The following DIAPH1 variants were observed in gnomAD, a reference collection of about 807,000 sequenced individuals.
The protein encoded by DIAPH1 is protein diaphanous homolog 1.
DIAPH1 carries 46 observed loss-of-function variants against 140.7 expected under a neutral mutation model. The observed-to-expected ratio is 0.33, with a 90% CI of 0.26 to 0.42. The LOEUF (loss-of-function observed/expected upper bound fraction) is 0.42. DIAPH1 is among the 10% of genes least tolerant of loss of function. The probability of loss-of-function intolerance (pLI) is 1.00; values close to 1 mark genes in which losing one functional copy is unlikely to be tolerated. For synonymous variants in DIAPH1, 565 were observed against 551.6 expected, an observed-to-expected ratio of 1.02 and a Z score of -0.34; for missense variants, 1,310 against 1,558.7, an observed-to-expected ratio of 0.84 and a Z score of 2.69.
At position 141,579,141 on chromosome 5, in the gene DIAPH1, G is replaced by A. The variant is rs745742167; in HGVS notation, c.880C>T (p.Arg294Cys). 5 of 1,614,150 alleles carry A rather than the reference G, an allele frequency of 3.1e-6. No individual in the cohort carries two copies. Among genetic ancestry groups the A allele is most frequent in the Non-Finnish European group, 4.2e-6 (5 of 1,180,006 alleles). The change falls in exon 9 of 28, where the codon CGT (arginine) becomes TGT (cysteine). Residue 294 changes from arginine (R) to cysteine (C), a missense_variant. By Grantham distance (180) the Arg-to-Cys change is radical. Transcript: ENST00000389054. Reference sequence around the variant, plus strand: ...AATCCATCCAGCAGCGGCTGGAAACGTTCCACTTCATCCATCTCAGCTCTT... The same window carrying A: ...AATCCATCCAGCAGCGGCTGGAAACATTCCACTTCATCCATCTCAGCTCTT... ...TERAEMDEVERFQPLLDGLKS... is the reference protein window; with the variant it reads ...TERAEMDEVECFQPLLDGLKS...
intron 18 of DIAPH1, among the ~76,000 whole-genome samples, chr5:141,569,799 A>C (rs1222678063): frequency 6.6e-6 from 1 of 152,140 alleles, no homozygotes; most frequent in African/African-American, 2.4e-5. Flanking sequence ...AAAGTAGTTA[A>C]GGATGAAGAT....
chr5:141,524,166 C>T lies in DIAPH1; in HGVS notation c.3638G>A (p.Arg1213Gln), dbSNP rs978882548. 3.0e-5 allele frequency: 49 copies of T among 1,614,136 alleles called. No individual in the cohort carries two copies. The highest frequency in any genetic ancestry group is 3.6e-5 in the Non-Finnish European group (43 of 1,180,018). Residue 1213 changes from arginine to glutamine, a missense_variant, in exon 27 of 28, where the codon CGA (arginine) becomes CAA (glutamine). This residue lies in a region of DIAPH1 where 344 missense variants were observed against 512.2 expected (regional missense o/e 0.67). Coordinates refer to ENST00000389054, the MANE Select transcript of DIAPH1 (RefSeq NM_005219.5). ...ACCTTGACGGGGCCCTCTCTTCCGT[C>T]GGAATGCTGCCCCTGACTGCAGGGC... ...LEALQSGAAFRRKRGPRQANR... is the reference protein window; with the variant it reads ...LEALQSGAAFQRKRGPRQANR...
At chr5:141,544,343 GA>G (rs1240420640) in intron 18 of DIAPH1, among the ~76,000 whole-genome samples, 1 of 148,456 alleles carries the variant, frequency 6.7e-6, no homozygotes, top group African/African-American at 2.4e-5. Flanking sequence ...AGAAAGAAAA[GA>G]ATACAAAACA....
At chr5:141,518,813 C>T in intron 27 of DIAPH1, 1 of 872,160 alleles carries the variant, frequency 1.1e-6, no homozygotes, top group Non-Finnish European at 1.9e-6. Context: ...TGAGTCACCA[C>T]AGCCTGCCAA....
At chr5:141,601,680 C>A (rs6880745) in intron 1 of DIAPH1, among the ~76,000 whole-genome samples, 102,038 of 152,104 alleles carry the variant, frequency 0.67, 35,366 homozygotes, top group African/African-American at 0.85. Flanking sequence ...TCTTATTCAA[C>A]TGATGTGGCC....
At chr5:141,575,175 C>T (rs1596380693) in intron 14 of DIAPH1, 29 bp from the exon 15 acceptor site, 1 of 1,611,740 alleles carries the variant, frequency 6.2e-7, no homozygotes, top group South Asian at 1.1e-5. Flanking sequence ...AGGCTCCCAG[C>T]AAGCTCTCCA....
At position 141,618,878 on chromosome 5, in the gene DIAPH1, C is replaced by A; in HGVS notation, c.37G>T (p.Gly13Trp). ...PPGGSLGPGR[G>W]TRDKKKGRSP... ...CGGCCCTTCTTCTTGTCCCGGGTCC[C>A]GCGGCCGGGCCCCAGGCTCCCGCCG... The change falls in exon 1 of 28, where the codon GGG becomes TGG. Residue 13 changes from glycine to tryptophan, a missense_variant. By Grantham distance (184) the Gly-to-Trp change is radical. Transcript: ENST00000389054. The A allele has an allele frequency of 6.6e-7, 1 of 1,519,910 alleles. No individual in the cohort carries two copies. The highest frequency in any genetic ancestry group is 8.8e-7 in the Non-Finnish European group (1 of 1,133,688). 94.2% of individuals were successfully genotyped at this position (1,519,910 alleles called of 1,614,324 possible). A position where few individuals can be genotyped will look rare whatever the true frequency, so the allele number is the denominator to read the frequency against.
At chr5:141,557,567 C>CT (rs1259920045) in intron 18 of DIAPH1, among the ~76,000 whole-genome samples, 1 of 151,898 alleles carries the variant, frequency 6.6e-6, no homozygotes, top group African/African-American at 2.4e-5. Flanking sequence ...TTTTTTTCTT[C>CT]TTTTTTTGGG....
rs911644192 is a variant in DIAPH1, at chr5:141,593,672, C to T, written c.118-5422G>A. 9.2e-5 allele frequency among the ~76,000 whole-genome samples: 14 copies of T among 152,244 alleles called. No individual in the cohort carries two copies. In the South Asian group the frequency reaches 2.9e-3, roughly 32 times the overall value. ...ATTTTATTTAACAAAATTTAAATGG[C>T]AAATAAACTTACGAAAGAAGCTCAA... On this transcript the variant is annotated intron_variant, in intron 1 of 27. Coordinates refer to ENST00000389054, the MANE Select transcript of DIAPH1 (RefSeq NM_005219.5).
rs1360708683 is a variant in DIAPH1, at chr5:141,515,135, C to G, written c.*1716G>C. On this transcript the variant is annotated 3_prime_UTR_variant, in exon 28 of 28. Transcript: ENST00000389054. ...GGTTTGCATTTTGTCCCTCACACCTCTCTCTCTCTCTCTTTTTTTTTATTA... is the reference window on the plus strand; with the variant it reads ...GGTTTGCATTTTGTCCCTCACACCTGTCTCTCTCTCTCTTTTTTTTTATTA... 6.6e-6 allele frequency: 1 copy of G among 151,558 alleles called. No homozygotes were observed. The highest frequency in any genetic ancestry group is 2.4e-5 in the African/African-American group (1 of 41,006). 9.4% of individuals were successfully genotyped at this position (151,558 alleles called of 1,614,324 possible).
At position 141,529,674 on chromosome 5, in the gene DIAPH1, T is replaced by G. The variant is rs1204485610; in HGVS notation, c.2605A>C (p.Met869Leu). 1.9e-6 allele frequency: 3 copies of G among 1,614,188 alleles called. No individual in the cohort carries two copies. The Admixed American group carries it at 5.0e-5, about 27-fold the overall frequency. ...ACATTCTTAATCTCTTGATAGGGCA[T>G]GCGGAAGGAACCCAAAAAGATTGCT... is the stretch of plus-strand genomic sequence containing the variant. Reference protein sequence around the residue: ...NLSIFLGSFRMPYQEIKNVIL... With the variant: ...NLSIFLGSFRLPYQEIKNVIL... The change falls in exon 20 of 28, where the codon ATG becomes CTG. Residue 869 changes from methionine to leucine, a missense_variant. Around this residue, in one of 3 missense-constraint regions of DIAPH1, gnomAD observed 344 missense variants for 512.2 expected, o/e 0.67. Coordinates refer to ENST00000389054, the MANE Select transcript of DIAPH1 (RefSeq NM_005219.5).
chr5:141,522,578 CAA>C (rs5871776), intron 27 of DIAPH1, among the ~76,000 whole-genome samples: 3,014 of 88,902 alleles, frequency 0.034, 26 homozygotes, highest in East Asian at 0.061. Context: ...CCGACGGGGT[CAA>C]AAAAAAAAAA....
intron 18 of DIAPH1, chr5:141,563,000 A>C: frequency 6.6e-6 from 1 of 152,204 alleles, no homozygotes; most frequent in East Asian, 1.9e-4. Context: ...AGAATAACCA[A>C]GCTTGAACAA....
At position 141,608,043 on chromosome 5, in the gene DIAPH1, T is replaced by C. The variant is rs181058073; in HGVS notation, c.117+10755A>G. ...GTAAAGACACAACTAAGCAGCTACA[T>C]ATGGAAAGAATAATTCAGACAGGGT... On this transcript the variant is annotated intron_variant, in intron 1 of 27. Coordinates refer to ENST00000389054, the MANE Select transcript of DIAPH1 (RefSeq NM_005219.5). Among the ~76,000 whole-genome samples the C allele has an allele frequency of 2.6e-5, 4 of 152,374 alleles. No homozygotes were observed. The East Asian group carries it at 7.7e-4, about 29-fold the overall frequency.
At chr5:141,557,324 C>G (rs2099892768) in intron 18 of DIAPH1, among the ~76,000 whole-genome samples, 1 of 151,984 alleles carries the variant, frequency 6.6e-6, no homozygotes, top group Admixed American at 6.6e-5. Context: ...TAATGGGTGG[C>G]AAAGACAAAG....
intron 1 of DIAPH1, among the ~76,000 whole-genome samples, chr5:141,593,108 G>A (rs1340414767): frequency 2.6e-5 from 4 of 152,150 alleles, no homozygotes; most frequent in Admixed American, 1.3e-4. Context: ...ACCGGAAAGA[G>A]CAATAACCAA....
chr5:141,605,033 G>C (rs1169083587), intron 1 of DIAPH1, among the ~76,000 whole-genome samples: 1 of 152,120 alleles, frequency 6.6e-6, no homozygotes. Flanking sequence ...TCATGCCAAA[G>C]TACTTAGGAT....
rs578112707 is a variant in DIAPH1, at chr5:141,550,848, T to G, written c.2483-16415A>C. 2.0e-5 allele frequency among the ~76,000 whole-genome samples: 3 copies of G among 152,336 alleles called. No homozygotes were observed. The South Asian group carries it at 6.2e-4, about 32-fold the overall frequency. Reference sequence around the variant, plus strand: ...GCCCTGCTCTCCTGGACCTCAATTATGTTAATAAACCTTTTCATACCCTCT... The same window carrying G: ...GCCCTGCTCTCCTGGACCTCAATTAGGTTAATAAACCTTTTCATACCCTCT... On this transcript the variant is annotated intron_variant, in intron 18 of 27. Transcript: ENST00000389054.
chr5:141,583,153 C>CCT, intron 6 of DIAPH1, 53 bp downstream of exon 6: 1 of 1,491,062 alleles, frequency 6.7e-7, no homozygotes, highest in African/African-American at 1.4e-5. Flanking sequence ...AGCAAATAGC[C>CCT]AAGTCCCCTG....
Sources: gnomAD v4.1 joint callset for allele counts (sites outside exome capture counted in the v4.1 genomes callset) on GRCh38, gnomAD v4.1.1 for gene constraint, gnomAD v4.1.1 regional missense constraint, MANE v1.5 for transcripts, NCBI Gene and HGNC (gene_info 2026-07-23, HGNC 2026-07-21) for gene names.